Variants in ABHD2 observed in about 807,000 individuals in gnomAD.
ABHD2 encodes the protein abhydrolase domain containing 2, acylglycerol lipase, also known as monoacylglycerol lipase ABHD2.
In ABHD2, 20 loss-of-function variants were observed where a neutral mutation model predicts 48.1. That is an observed-to-expected ratio of 0.42 (90% CI 0.29 to 0.60). ABHD2 has a LOEUF of 0.60. Among genes scored for constraint, ABHD2 ranks in the 20% least tolerant of loss-of-function variants. ABHD2 has a pLI of 0.24. For missense variants in ABHD2, 405 were observed against 550.9 expected, an observed-to-expected ratio of 0.74 and a Z score of 2.65; for synonymous variants, 209 against 214.2, an observed-to-expected ratio of 0.98 and a Z score of 0.21.
At chr15:89,115,412 GTGTGTGTGTGTGTGTGTGTT>G (rs879309882) in intron 2 of ABHD2, among the ~76,000 whole-genome samples, 2,323 of 97,578 alleles carry the variant, frequency 0.024, 22 homozygotes, top group Middle Eastern at 0.052. Context: ...GTGTGTGTGT[GTGTGTGTGTGTGTGTGTGTT>G]TTGTATATAA....
In ABHD2 at chr15:89,135,744, GCTGC is replaced by G. The variant is rs367980084; in HGVS notation, c.195-15929_195-15926del. 421 of 1,079,290 alleles carry G rather than the reference GCTGC, an allele frequency of 3.9e-4. 1 individual carries two copies. The African/African-American group carries it at 5.9e-3, about 15-fold the overall frequency. The allele number at this position is 1,079,290 out of a possible 1,614,324, so 66.9% of individuals were successfully genotyped here. A position where few individuals can be genotyped will look rare whatever the true frequency, so the allele number is the denominator to read the frequency against. ...AGCTTCGCAGCCTTCTTTTTATAAG[GCTGC>G]CTGTCATCTGCAGCAATGTTATTCC... is the stretch of plus-strand genomic sequence containing the variant. On this transcript the variant is annotated intron_variant, in intron 3 of 10. Transcript: ENST00000352732.
chr15:89,073,018 CATACTT>C, the ABHD2 span, among the ~76,000 whole-genome samples: 18 of 152,058 alleles, frequency 1.2e-4, no homozygotes, highest in Non-Finnish European at 2.4e-4. Flanking sequence ...ATATTTGAGA[CATACTT>C]ATACTAAAAA....
At chr15:89,127,222 C>A (rs1384311682) in intron 3 of ABHD2, among the ~76,000 whole-genome samples, 1 of 152,154 alleles carries the variant, frequency 6.6e-6, no homozygotes, top group African/African-American at 2.4e-5. Context: ...CCTAACTCTA[C>A]CTGCTGTCAG....
rs2050500121 is a variant in ABHD2 at position 89,146,864 on chromosome 15, A to T, written c.195-4813A>T. On this transcript the variant is annotated intron_variant, in intron 3 of 10. Transcript: ENST00000352732. This position sits in a 1 kb window ranked among gnomAD's most constrained non-coding sequence, Gnocchi z 4.2. ...TAAAGGTGTCAATTATCTCCTAGGT[A>T]ATATATATTTGTCGTGTTTCCAATC... 1.3e-5 allele frequency among the ~76,000 whole-genome samples: 2 copies of T among 152,200 alleles called. No homozygotes were observed. Among genetic ancestry groups the T allele is most frequent in the African/African-American group, 4.8e-5 (2 of 41,460 alleles).
rs1264585546 is a variant in ABHD2 at position 89,188,209 on chromosome 15, G to A, written c.832G>A (p.Asp278Asn). ...ILSHRQALFG[D>N]HVKKPQSLED... ...TTGCTCTAGGCAAGCTCTTTTTGGA[G>A]ACCATGTTAAGAAACCCCAGAGCCT... Residue 278 changes from aspartate to asparagine, a missense_variant, in exon 8 of 11, where the codon GAC becomes AAC. Transcript: ENST00000352732. The surrounding 1 kb of genome is among the most constrained non-coding windows in gnomAD (Gnocchi z 4.1). The A allele has an allele frequency of 6.2e-7, 1 of 1,614,150 alleles. No homozygotes were observed. The highest frequency in any genetic ancestry group is 1.7e-5 in the Admixed American group (1 of 60,020).
In ABHD2 at chr15:89,114,373, G is replaced by C. The variant is rs1435634756; in HGVS notation, c.-7+549G>C. On this transcript the variant is annotated intron_variant, in intron 2 of 10. Transcript: ENST00000352732. This position sits in a 1 kb window ranked among gnomAD's most constrained non-coding sequence, Gnocchi z 4.2. ...CGCAGGATCCCACAGGGAACCCACAGACCCCAAGTTAAGGATCCTTGTTTT... is the reference window on the plus strand; with the variant it reads ...CGCAGGATCCCACAGGGAACCCACACACCCCAAGTTAAGGATCCTTGTTTT... Among the ~76,000 whole-genome samples the C allele has an allele frequency of 6.6e-6, 1 of 152,214 alleles. No individual in the cohort carries two copies. The highest frequency in any genetic ancestry group is 1.5e-5 in the Non-Finnish European group (1 of 68,040).
intron 6 of ABHD2, among the ~76,000 whole-genome samples, chr15:89,181,311 A>G (rs2051111259): frequency 6.6e-6 from 1 of 151,510 alleles, no homozygotes; most frequent in South Asian, 2.1e-4. Context: ...ATGACTGTAT[A>G]TAGGCAAAAC....
At chr15:89,095,571 A>G (rs2049599669) in intron 1 of ABHD2, among the ~76,000 whole-genome samples, 1 of 152,196 alleles carries the variant, frequency 6.6e-6, no homozygotes, top group Non-Finnish European at 1.5e-5. Flanking sequence ...CTTCAGTGGT[A>G]TTTACACATA....
chr15:89,063,113 G>T, the ABHD2 span, among the ~76,000 whole-genome samples: 2 of 151,070 alleles, frequency 1.3e-5, no homozygotes, highest in Non-Finnish European at 3.0e-5. Flanking sequence ...GACTACAGGC[G>T]CACGCCACCA....
the ABHD2 span, among the ~76,000 whole-genome samples, chr15:89,062,424 G>A: frequency 6.6e-6 from 1 of 152,072 alleles, no homozygotes; most frequent in Non-Finnish European, 1.5e-5. Context: ...TCACTGTGTC[G>A]CCCAGCCTGT....
chr15:89,176,903 A>G lies in ABHD2; in HGVS notation c.722+908A>G, dbSNP rs1290777748. On this transcript the variant is annotated intron_variant, in intron 6 of 10. Coordinates refer to ENST00000352732, the MANE Select transcript of ABHD2 (RefSeq NM_152924.5). This position sits in a 1 kb window ranked among gnomAD's most constrained non-coding sequence, Gnocchi z 4.5. ...GTTATTCAAAGAATCTTTTTGCCTC[A>G]CCTGTATATCTCATGCTGCAGTTTA... Among the ~76,000 whole-genome samples, 1 of 152,148 alleles carries G rather than the reference A, an allele frequency of 6.6e-6. No individual in the cohort carries two copies. Among genetic ancestry groups the G allele is most frequent in the East Asian group, 1.9e-4 (1 of 5,196 alleles).
chr15:89,188,883 T>TAAAAA lies in ABHD2; in HGVS notation c.926+591_926+595dup, dbSNP rs34046140. Among the ~76,000 whole-genome samples the TAAAAA allele has an allele frequency of 7.4e-6, 1 of 135,574 alleles. No homozygotes were observed. Among genetic ancestry groups the TAAAAA allele is most frequent in the Non-Finnish European group, 1.6e-5 (1 of 63,440 alleles). The allele number at this position is 135,574 out of a possible 152,430, so 88.9% of individuals were successfully genotyped here. A position where few individuals can be genotyped will look rare whatever the true frequency, so the allele number is the denominator to read the frequency against. On this transcript the variant is annotated intron_variant, in intron 8 of 10. Coordinates refer to ENST00000352732, the MANE Select transcript of ABHD2 (RefSeq NM_152924.5). This position sits in a 1 kb window ranked among gnomAD's most constrained non-coding sequence, Gnocchi z 4.1. The stretch of plus-strand genomic sequence containing the variant: ...GACACAGCAAGACCCTTCTCAAAAT[T>TAAAAA]AAAAAAAAAAAAAAAGAAGTAGAAA...
intron 10 of ABHD2, among the ~76,000 whole-genome samples, chr15:89,194,230 G>A (rs558696106): frequency 1.3e-5 from 2 of 152,144 alleles, no homozygotes; most frequent in Non-Finnish European, 2.9e-5. Flanking sequence ...AAGTGTGGTG[G>A]CTCATGCCTA....
intron 3 of ABHD2, among the ~76,000 whole-genome samples, chr15:89,133,918 G>A (rs1344170809): frequency 6.8e-6 from 1 of 147,492 alleles, no homozygotes; most frequent in Non-Finnish European, 1.5e-5. Context: ...CTCACTGCAA[G>A]CTCCGCCTCC....
At chr15:89,191,941 TA>T (rs1455381422) in intron 9 of ABHD2, among the ~76,000 whole-genome samples, 2 of 152,176 alleles carry the variant, frequency 1.3e-5, no homozygotes, top group East Asian at 3.8e-4. Flanking sequence ...TGTCTGTTGA[TA>T]AGGTAGACTT....
At position 89,120,337 on chromosome 15, in the gene ABHD2, C is replaced by T. The variant is rs573191818; in HGVS notation, c.194+3816C>T. The stretch of plus-strand genomic sequence containing the variant: ...CATGAAGTGTTTACTTTTAGTGAAA[C>T]AAGCAGACGCCCAGTTCGGAATTAT... On this transcript the variant is annotated intron_variant, in intron 3 of 10. Coordinates refer to ENST00000352732, the MANE Select transcript of ABHD2 (RefSeq NM_152924.5). This position sits in a 1 kb window ranked among gnomAD's most constrained non-coding sequence, Gnocchi z 4.2. Among the ~76,000 whole-genome samples, 7 of 152,218 alleles carry T rather than the reference C, an allele frequency of 4.6e-5. No homozygotes were observed. The highest frequency in any genetic ancestry group is 2.1e-4 in the South Asian group (1 of 4,826).
At chr15:89,108,908 T>C (rs1275229897) in intron 1 of ABHD2, among the ~76,000 whole-genome samples, 1 of 152,216 alleles carries the variant, frequency 6.6e-6, no homozygotes, top group Non-Finnish European at 1.5e-5. Context: ...CGCAATTCTG[T>C]CCCTAGAATC....
chr15:89,171,406 A>C (rs748936705), intron 5 of ABHD2, among the ~76,000 whole-genome samples: 10 of 151,950 alleles, frequency 6.6e-5, no homozygotes, highest in African/African-American at 9.7e-5. Context: ...CACTCTGAGA[A>C]CCACTGAGCT....
intron 3 of ABHD2, among the ~76,000 whole-genome samples, chr15:89,132,779 C>A (rs945819396): frequency 6.6e-6 from 1 of 152,190 alleles, no homozygotes; most frequent in African/African-American, 2.4e-5. Context: ...GTAGGACTTT[C>A]TAGAACATGC....
Sources: gnomAD v4.1 joint callset for allele counts (sites outside exome capture counted in the v4.1 genomes callset) on GRCh38, gnomAD v4.1.1 for gene constraint, Gnocchi (gnomAD v3.1) non-coding constraint, MANE v1.5 for transcripts, NCBI Gene and HGNC (gene_info 2026-07-23, HGNC 2026-07-21) for gene names.